Variants in JARID2 observed in about 807,000 individuals in gnomAD.
JARID2 encodes the protein protein Jumonji.
Under a neutral mutation model 125.6 loss-of-function variants are expected in JARID2, and 21 were observed. The observed-to-expected ratio is 0.17, with a 90% CI of 0.12 to 0.24. The LOEUF is 0.24. Among genes scored for constraint, JARID2 ranks in the 10% least tolerant of loss-of-function variants. The pLI, the probability that JARID2 is intolerant of heterozygous loss-of-function variation, is 1.00. For missense variants in JARID2, 1,303 were observed against 1,639.6 expected, an observed-to-expected ratio of 0.79 and a Z score of 3.55; for synonymous variants, 736 against 661.6, an observed-to-expected ratio of 1.11 and a Z score of -1.73.
rs529460436 is a variant in JARID2 at position 15,479,543 on chromosome 6, GGAA to G, written c.671-7758_671-7756del. Among the ~76,000 whole-genome samples, 8 of 152,332 alleles carry G rather than the reference GGAA, an allele frequency of 5.3e-5. No individual in the cohort carries two copies. The South Asian group carries it at 1.7e-3, about 32-fold the overall frequency. On this transcript the variant is annotated intron_variant, in intron 5 of 17. Coordinates refer to ENST00000341776, the MANE Select transcript of JARID2 (RefSeq NM_004973.4). ...AGAATTTAAGTTCTTCTATAGAAAA[GGAA>G]GAAGATGTGATTGGCTTTAAACATT...
At chr6:15,332,232 A>G (rs1268008139) in intron 1 of JARID2, among the ~76,000 whole-genome samples, 1 of 152,218 alleles carries the variant, frequency 6.6e-6, no homozygotes, top group Non-Finnish European at 1.5e-5. Flanking sequence ...GGGCATGTCA[A>G]ATGGTTCTGT....
intron 1 of JARID2, among the ~76,000 whole-genome samples, chr6:15,300,722 T>TGAGA (rs57766040): frequency 0.011 from 1,192 of 111,146 alleles, 17 homozygotes; most frequent in South Asian, 0.028. Context: ...TGTGTGTGTG[T>TGAGA]GAGAGAGAGA....
chr6:15,285,872 CATTA>C (rs749760013), intron 1 of JARID2, among the ~76,000 whole-genome samples: 8,175 of 152,256 alleles, frequency 0.054, 337 homozygotes, highest in Admixed American at 0.11. Flanking sequence ...ATAAAACATG[CATTA>C]TGTATCACAC....
At chr6:15,357,088 G>T (rs1043389890) in intron 1 of JARID2, among the ~76,000 whole-genome samples, 2 of 152,164 alleles carry the variant, frequency 1.3e-5, no homozygotes, top group Non-Finnish European at 2.9e-5. Context: ...AGTACCTTTT[G>T]CTCAGTGCAG....
rs535266227 is a variant in JARID2 at position 15,355,813 on chromosome 6, G to C, written c.46-18304G>C. Among the ~76,000 whole-genome samples, 395 of 152,312 alleles carry C rather than the reference G, an allele frequency of 2.6e-3. 3 individuals carry two copies. Among genetic ancestry groups the C allele is most frequent in the African/African-American group, 9.1e-3 (378 of 41,572 alleles). The stretch of plus-strand genomic sequence containing the variant: ...TTTTAGTAGAGACGGGTTTTGCCAT[G>C]TTGGCCAGGCTGGTCTCAAACTCCT... On this transcript the variant is annotated intron_variant, in intron 1 of 17. Transcript: ENST00000341776.
chr6:15,246,344 C>A lies in JARID2; in HGVS notation c.-196C>A. ...TTGTTTGCTTCGTTCGTCTTTGGCT[C>A]TTTTTTTTTCCTTCCCAATTTCGGA... On this transcript the variant is annotated 5_prime_UTR_variant, in exon 1 of 18. Coordinates refer to ENST00000341776, the MANE Select transcript of JARID2 (RefSeq NM_004973.4). 1 of 563,730 alleles carries A rather than the reference C, an allele frequency of 1.8e-6. No homozygotes were observed. Among genetic ancestry groups the A allele is most frequent in the Non-Finnish European group, 3.1e-6 (1 of 320,612 alleles). The allele number at this position is 563,730 out of a possible 1,614,324, so 34.9% of individuals were successfully genotyped here. A position where few individuals can be genotyped will look rare whatever the true frequency, so the allele number is the denominator to read the frequency against.
At chr6:15,324,731 C>G (rs1581413932) in intron 1 of JARID2, among the ~76,000 whole-genome samples, 1 of 151,288 alleles carries the variant, frequency 6.6e-6, no homozygotes. Context: ...AAGTGTGATC[C>G]TCCTGCCTCG....
intron 1 of JARID2, among the ~76,000 whole-genome samples, chr6:15,275,460 C>G (rs1760460097): frequency 6.9e-6 from 1 of 144,908 alleles, no homozygotes; most frequent in African/African-American, 2.6e-5. Flanking sequence ...ACTAGGTGTT[C>G]AAGTCAGATG....
At chr6:15,352,161 T>C (rs1385351952) in intron 1 of JARID2, among the ~76,000 whole-genome samples, 1 of 152,142 alleles carries the variant, frequency 6.6e-6, no homozygotes, top group African/African-American at 2.4e-5. Context: ...CCTGTTAGTT[T>C]CTTGAACCCA....
chr6:15,381,341 CAAAA>C (rs11358363), intron 2 of JARID2, among the ~76,000 whole-genome samples: 11 of 92,978 alleles, frequency 1.2e-4, no homozygotes, highest in Non-Finnish European at 1.7e-4. Flanking sequence ...ACTCCTGTCT[CAAAA>C]AAAAAAAAAA....
At chr6:15,308,740 G>C (rs1761917636) in intron 1 of JARID2, among the ~76,000 whole-genome samples, 1 of 152,206 alleles carries the variant, frequency 6.6e-6, no homozygotes, top group Non-Finnish European at 1.5e-5. Context: ...GACAGGAATT[G>C]TAAAAACACG....
At chr6:15,294,377 A>C (rs1447503185) in intron 1 of JARID2, among the ~76,000 whole-genome samples, 1 of 152,188 alleles carries the variant, frequency 6.6e-6, no homozygotes, top group Non-Finnish European at 1.5e-5. Flanking sequence ...TATTTTTAGT[A>C]GAGATAGGGT....
intron 7 of JARID2, among the ~76,000 whole-genome samples, chr6:15,498,467 C>G (rs1770572109): frequency 1.3e-5 from 2 of 152,188 alleles, no homozygotes; most frequent in African/African-American, 4.8e-5. Flanking sequence ...TGAGGATGAA[C>G]TTGCCTTGTT....
At chr6:15,329,621 G>A (rs980208364) in intron 1 of JARID2, among the ~76,000 whole-genome samples, 3 of 152,152 alleles carry the variant, frequency 2.0e-5, no homozygotes, top group Non-Finnish European at 2.9e-5. Flanking sequence ...AACCGCATGC[G>A]CTCTGTCTAG....
chr6:15,379,285 G>T (rs1407318871), intron 2 of JARID2, among the ~76,000 whole-genome samples: 1 of 152,082 alleles, frequency 6.6e-6, no homozygotes, highest in African/African-American at 2.4e-5. Flanking sequence ...CTGGGCTTAA[G>T]CGTGAAGTGG....
At chr6:15,438,205 A>T (rs1378098501) in intron 3 of JARID2, among the ~76,000 whole-genome samples, 1 of 152,062 alleles carries the variant, frequency 6.6e-6, no homozygotes, top group Non-Finnish European at 1.5e-5. Context: ...TATGGCTGGG[A>T]GTGTGGAGTT....
At chr6:15,396,864 A>T (rs967506038) in intron 2 of JARID2, among the ~76,000 whole-genome samples, 3 of 152,136 alleles carry the variant, frequency 2.0e-5, no homozygotes, top group African/African-American at 4.8e-5. Flanking sequence ...AGCCTTAACA[A>T]CCCAGTTAGT....
In JARID2 at chr6:15,374,215, T is replaced by C; in HGVS notation, c.144T>C (p.His48=). ...KEFKNSQKRQ[H]AEGIAGSLKT... ...TCAAGAATTCCCAGAAGAGGCAGCATGCGGAAGGCATTGCTGGGAGCCTGA... is the reference window on the plus strand; with the variant it reads ...TCAAGAATTCCCAGAAGAGGCAGCACGCGGAAGGCATTGCTGGGAGCCTGA... Residue 48 remains histidine (H), a synonymous_variant, in exon 2 of 18, where the codon CAT becomes CAC. Coordinates refer to ENST00000341776, the MANE Select transcript of JARID2 (RefSeq NM_004973.4). 1 of 1,614,142 alleles carries C rather than the reference T, an allele frequency of 6.2e-7. No individual in the cohort carries two copies. The highest frequency in any genetic ancestry group is 8.5e-7 in the Non-Finnish European group (1 of 1,179,986).
intron 1 of JARID2, among the ~76,000 whole-genome samples, chr6:15,335,525 C>T (rs771512896): frequency 1.3e-5 from 2 of 152,200 alleles, no homozygotes; most frequent in Non-Finnish European, 2.9e-5. Flanking sequence ...TAGAAGTTCT[C>T]TGCTCTTCCT....
Sources: gnomAD v4.1 joint callset for allele counts (sites outside exome capture counted in the v4.1 genomes callset) on GRCh38, gnomAD v4.1.1 for gene constraint, MANE v1.5 for transcripts, NCBI Gene and HGNC (gene_info 2026-07-23, HGNC 2026-07-21) for gene names.